TSC2: variants seen among roughly 807,000 people sequenced by gnomAD.
The protein encoded by TSC2 is tuberin.
TSC2 carries 29 observed loss-of-function variants against 202.2 expected under a neutral mutation model. The observed-to-expected ratio is 0.14, with a 90% CI of 0.11 to 0.20. The LOEUF is 0.20. TSC2 is among the 10% of genes least tolerant of loss of function. TSC2 has a pLI of 1.00. For missense variants in TSC2, 2,429 were observed against 2,420.0 expected (o/e 1.00, Z -0.08); for synonymous variants, 1,349 against 1,044.0 (o/e 1.29, Z -5.63).
chr16:2,075,709 C>T (rs879513075), intron 22 of TSC2, 90 bp from the exon 23 acceptor site: 40 of 1,387,782 alleles, frequency 2.9e-5, no homozygotes, highest in Non-Finnish European at 3.7e-5. Context: ...TGCAGCACCC[C>T]ATCGCTGCCG....
In TSC2 at chr16:2,084,399, A is replaced by C. The variant is rs2151526138; in HGVS notation, c.4177A>C (p.Thr1393Pro). 1 of 1,611,878 alleles carries C rather than the reference A, an allele frequency of 6.2e-7. No homozygotes were observed. ...GTCCAGCTCCTCTCCCGAGCTGCAG[A>C]CTCTGCAGGACATCCTCGGGGACCC... ...SKSSSSPELQ[T>P]LQDILGDPGD... is the part of the protein sequence containing the mutation. Residue 1393 changes from threonine (T) to proline (P), a missense_variant, in exon 34 of 42, where the codon ACT becomes CCT. By Grantham distance (38) the Thr-to-Pro change is conservative. Coordinates refer to ENST00000219476, the MANE Select transcript of TSC2 (RefSeq NM_000548.5).
Position 2,072,130 on chromosome 16 carries a change from G to A in TSC2, c.2098-111G>A, listed in dbSNP as rs549352297. On this transcript the variant is annotated intron_variant, in intron 19 of 41. Transcript: ENST00000219476. The stretch of plus-strand genomic sequence containing the variant: ...GCAGGCTCCCCCGGCTGAGAACAGG[G>A]CTCCATAGCCCTTGACGCTGTGCAG... 2.6e-4 allele frequency: 407 copies of A among 1,585,312 alleles called. 1 individual carries two copies. The highest frequency in any genetic ancestry group is 2.0e-4 in the Middle Eastern group (1 of 5,064).
At position 2,079,213 on chromosome 16, in the gene TSC2, A is replaced by G. The variant is rs1354784865; in HGVS notation, c.3131+17A>G. On this transcript the variant is annotated intron_variant, in intron 27 of 41. Coordinates refer to ENST00000219476, the MANE Select transcript of TSC2 (RefSeq NM_000548.5). This position sits in a 1 kb window ranked among gnomAD's most constrained non-coding sequence, Gnocchi z 4.6. ...CCCGAAGAGGTCCAGGCGGCACTAC[A>G]GGGCTGGGCGGGCCTGCGGGAGCTC... 2.5e-6 allele frequency: 4 copies of G among 1,612,674 alleles called. No homozygotes were observed. The highest frequency in any genetic ancestry group is 1.7e-5 in the Admixed American group (1 of 60,014).
chr16:2,054,063 A>G, intron 4 of TSC2: 1 of 608,560 alleles, frequency 1.6e-6, no homozygotes. Flanking sequence ...CCGCTGTGCC[A>G]GGTCCCGACA....
At chr16:2,050,149 G>T (rs1191623077) in intron 2 of TSC2, among the ~76,000 whole-genome samples, 1 of 151,952 alleles carries the variant, frequency 6.6e-6, no homozygotes, top group Non-Finnish European at 1.5e-5. Context: ...TAGAGACAGG[G>T]TTTCATCATG....
chr16:2,049,900 A>C (rs1404169818), intron 2 of TSC2, among the ~76,000 whole-genome samples: 2 of 152,138 alleles, frequency 1.3e-5, no homozygotes, highest in Non-Finnish European at 2.9e-5. Context: ...TTGTGAAAAA[A>C]AATTGCACAT....
chr16:2,084,172 A>C, intron 33 of TSC2, 56 bp from the exon 34 acceptor site: 5 of 1,550,770 alleles, frequency 3.2e-6, no homozygotes, highest in Non-Finnish European at 4.4e-6. Flanking sequence ...GGTCAACCCC[A>C]GGTGGGCTCG....
At position 2,060,828 on chromosome 16, in the gene TSC2, G is replaced by T; in HGVS notation, c.1119+15G>T. ...AGCAGCTCCAGGTGGGGTGGGGGCA[G>T]GAGCTCCGGGGAGCACCGGGAACCC... On this transcript the variant is annotated intron_variant, in intron 11 of 41. Coordinates refer to ENST00000219476, the MANE Select transcript of TSC2 (RefSeq NM_000548.5). 1 of 1,612,310 alleles carries T rather than the reference G, an allele frequency of 6.2e-7. No individual in the cohort carries two copies. The highest frequency in any genetic ancestry group is 8.5e-7 in the Non-Finnish European group (1 of 1,179,856).
chr16:2,086,942 G>T (rs879767868), intron 38 of TSC2, 71 bp downstream of exon 38: 6 of 1,544,714 alleles, frequency 3.9e-6, no homozygotes, highest in Non-Finnish European at 5.2e-6. Context: ...GTTGGTGGCA[G>T]GTCCTCCTCC....
At chr16:2,067,982 G>T (rs1406981622) in intron 16 of TSC2, among the ~76,000 whole-genome samples, 1 of 152,150 alleles carries the variant, frequency 6.6e-6, no homozygotes, top group Non-Finnish European at 1.5e-5. Flanking sequence ...TGAGGGTCTG[G>T]GCTGCAGAAC....
chr16:2,074,468 C>G (rs2088967095), intron 22 of TSC2, 79 bp downstream of exon 22: 5 of 1,549,264 alleles, frequency 3.2e-6, no homozygotes, highest in Non-Finnish European at 4.4e-6. Flanking sequence ...GGTGCCCTCT[C>G]TCAGGACTCC....
rs1555514409 is a variant in TSC2, at chr16:2,084,598, G to A, written c.4376G>A (p.Arg1459Gln). The A allele has an allele frequency of 6.2e-7, 1 of 1,604,244 alleles. No homozygotes were observed. The highest frequency in any genetic ancestry group is 8.5e-7 in the Non-Finnish European group (1 of 1,179,686). The part of the protein sequence containing the change: ...SPRSPSGLRP[R>Q]GYTISDSAPS... ...CGCTCGCCCAGTGGCCTCCGGCCCC[G>A]AGGTTACACCATCTCCGACTCGGCC... The change falls in exon 34 of 42, where the codon CGA becomes CAA. Residue 1459 changes from arginine to glutamine, a missense_variant. Arg to Gln is a conservative substitution (Grantham distance 43). Transcript: ENST00000219476.
At chr16:2,076,445 G>T (rs1386307440) in intron 24 of TSC2, 46 bp from the exon 25 acceptor site, 1 of 1,610,086 alleles carries the variant, frequency 6.2e-7, no homozygotes. Context: ...AGGGCCTCCA[G>T]CCCCCATTGC....
At chr16:2,056,807 G>C (rs2151082824) in intron 8 of TSC2, 38 bp downstream of exon 8, 1 of 1,602,296 alleles carries the variant, frequency 6.2e-7, no homozygotes, top group Non-Finnish European at 8.5e-7. Flanking sequence ...GTTCCTGAGA[G>C]CACATGGATG....
At chr16:2,070,324 G>A (rs2088082670) in intron 16 of TSC2, 132 bp from the exon 17 acceptor site, 3 of 1,500,600 alleles carry the variant, frequency 2.0e-6, no homozygotes, top group Non-Finnish European at 2.7e-6. Context: ...GTGGTCCTGG[G>A]TTTGAAGGTC....
rs1194078522 is a variant in TSC2, at chr16:2,088,799, G to A, written c.*189G>A. ...TCTAGAAGCGGCCATGCCCACAGAA[G>A]TGGTACACAGAAGCAGGCACAGCCA... On this transcript the variant is annotated 3_prime_UTR_variant, in exon 42 of 42. Transcript: ENST00000219476. 5.2e-6 allele frequency: 4 copies of A among 776,442 alleles called. No homozygotes were observed. Among genetic ancestry groups the A allele is most frequent in the Non-Finnish European group, 6.0e-6 (3 of 497,094 alleles). 48.1% of individuals were successfully genotyped at this position (776,442 alleles called of 1,614,324 possible).
chr16:2,071,402 CT>C, intron 17 of TSC2, 107 bp from the exon 18 acceptor site: 2 of 1,173,282 alleles, frequency 1.7e-6, no homozygotes, highest in Non-Finnish European at 2.5e-6. Flanking sequence ...AGCAGGTGGC[CT>C]TTTCTGAGTG....
rs200725584 is a variant in TSC2, at chr16:2,088,335, A to C, written c.5259+10A>C. On this transcript the variant is annotated intron_variant, in intron 41 of 41. Transcript: ENST00000219476. ...GCGGCTCCGCCAGCGGGTAGGGAAT[A>C]TGGGGCTCCCTCAGCGGGGTGTGCT... 3.7e-6 allele frequency: 6 copies of C among 1,612,528 alleles called. No individual in the cohort carries two copies. Among genetic ancestry groups the C allele is most frequent in the Non-Finnish European group, 5.1e-6 (6 of 1,179,960 alleles).
Position 2,078,193 on chromosome 16 carries a change from C to G in TSC2, c.2966+467C>G, listed in dbSNP as rs1038654088. ...GGAGGGCCTGGGTGGGGGCTAGGAT[C>G]CTGCAGGGCATGGGCATGGGCCTGG... is the stretch of plus-strand genomic sequence containing the variant. On this transcript the variant is annotated intron_variant, in intron 26 of 41. Coordinates refer to ENST00000219476, the MANE Select transcript of TSC2 (RefSeq NM_000548.5). The G allele has an allele frequency of 1.3e-5, 3 of 229,158 alleles. No homozygotes were observed. The East Asian group carries it at 3.5e-4, about 27-fold the overall frequency. 14.2% of individuals were successfully genotyped at this position (229,158 alleles called of 1,614,324 possible). A position where few individuals can be genotyped will look rare whatever the true frequency, so the allele number is the denominator to read the frequency against.
Sources: gnomAD v4.1 joint callset for allele counts (sites outside exome capture counted in the v4.1 genomes callset) on GRCh38, gnomAD v4.1.1 for gene constraint, Gnocchi (gnomAD v3.1) non-coding constraint, MANE v1.5 for transcripts, NCBI Gene and HGNC (gene_info 2026-07-23, HGNC 2026-07-21) for gene names.